ZFHX3: variants seen among roughly 807,000 people sequenced by gnomAD.
The protein encoded by ZFHX3 is zinc finger homeobox protein 3.
Under a neutral mutation model 279.1 loss-of-function variants are expected in ZFHX3, and 42 were observed. The observed-to-expected ratio is 0.15, with a 90% CI of 0.12 to 0.19. ZFHX3 has a LOEUF of 0.19. Ranked by LOEUF, ZFHX3 falls within the 10% of genes least tolerant of loss-of-function variation. The probability of loss-of-function intolerance (pLI) is 1.00; values close to 1 mark genes in which losing one functional copy is unlikely to be tolerated. For synonymous variants in ZFHX3, 2,293 were observed against 1,957.8 expected (o/e 1.17, Z -4.52); for missense variants, 4,981 against 4,754.0 (o/e 1.05, Z -1.40).
chr16:73,077,729 G>T (rs1182324646), intron 8 of ZFHX3, among the ~76,000 whole-genome samples: 2 of 152,150 alleles, frequency 1.3e-5, no homozygotes, highest in Non-Finnish European at 2.9e-5. Context: ...AATTAAATGG[G>T]GTCAAGACCA....
rs999964410 is a variant in ZFHX3, at chr16:73,462,127, T to C, written c.-1546-5869A>G. Among the ~76,000 whole-genome samples, 8 of 152,312 alleles carry C rather than the reference T, an allele frequency of 5.3e-5. No homozygotes were observed. In the South Asian group the frequency reaches 6.2e-4, roughly 12 times the overall value. ...CGTATTTTTTTTTAGCTATGGTACA[T>C]GATGTATTTTTAATTTGGTTTCCAT... is the stretch of plus-strand genomic sequence containing the variant. On this transcript the variant is annotated intron_variant, in intron 2 of 17. Coordinates refer to the ZFHX3 transcript ENST00000641206.
chr16:72,946,574 GC>G (rs1226103148), intron 3 of ZFHX3, among the ~76,000 whole-genome samples: 1 of 152,134 alleles, frequency 6.6e-6, no homozygotes, highest in African/African-American at 2.4e-5. Context: ...TCTGTGCCCC[GC>G]CCCCTCCGGG....
intron 1 of ZFHX3, among the ~76,000 whole-genome samples, chr16:73,792,856 A>ACCCCCCCCC (rs55813623): frequency 2.9e-4 from 39 of 135,090 alleles, no homozygotes; most frequent in African/African-American, 3.8e-4. Context: ...CATACAGTGC[A>ACCCCCCCCC]CCCCCCCCCT....
intron 2 of ZFHX3, among the ~76,000 whole-genome samples, chr16:73,498,344 G>C (rs1351240135): frequency 6.6e-6 from 1 of 152,218 alleles, no homozygotes; most frequent in East Asian, 1.9e-4. Context: ...TGACGGACAT[G>C]TTTGACATCT....
At chr16:73,163,106 C>A (rs62052413) in intron 5 of ZFHX3, among the ~76,000 whole-genome samples, 1 of 152,118 alleles carries the variant, frequency 6.6e-6, no homozygotes, top group Admixed American at 6.5e-5. Flanking sequence ...TTCATTCAGT[C>A]GGGACAACAC....
At chr16:73,471,302 C>T (rs1428484233) in intron 2 of ZFHX3, among the ~76,000 whole-genome samples, 1 of 152,214 alleles carries the variant, frequency 6.6e-6, no homozygotes, top group Non-Finnish European at 1.5e-5. Flanking sequence ...ATTGACCATG[C>T]ACCACTGCAA....
rs1393021330 is a variant in ZFHX3 at position 72,963,138 on chromosome 16, G to A, written c.-49-2944C>T. On this transcript the variant is annotated intron_variant, in intron 1 of 9. Transcript: ENST00000268489. ...TTACAGAGGGCAGCCTGGGAACCCA[G>A]TGGGTCCCCGCACTTTTCCAAGCAG... Among the ~76,000 whole-genome samples, 3 of 152,190 alleles carry A rather than the reference G, an allele frequency of 2.0e-5. No homozygotes were observed. The East Asian group carries it at 5.8e-4, about 29-fold the overall frequency.
rs1597245380 is a variant in ZFHX3, at chr16:72,798,635, A to G, written c.4047T>C (p.Ala1349=). 6.2e-7 allele frequency: 1 copy of G among 1,613,992 alleles called. No individual in the cohort carries two copies. Among genetic ancestry groups the G allele is most frequent in the Non-Finnish European group, 8.5e-7 (1 of 1,179,964 alleles). The change falls in exon 9 of 10, where the codon GCT becomes GCC. Residue 1349 remains alanine, a synonymous_variant. Coordinates refer to ENST00000268489, the MANE Select transcript of ZFHX3 (RefSeq NM_006885.4). ...AGTCTTCTCTCACAGAGCCTGGGTC[A>G]GCAGGGGATGGTTTCAAATCTCCGC... ...EQSGDLKPSP[A]DPGSVREDSG...
chr16:72,880,793 G>A (rs550329624), intron 4 of ZFHX3, among the ~76,000 whole-genome samples: 1 of 152,258 alleles, frequency 6.6e-6, no homozygotes, highest in South Asian at 2.1e-4. Flanking sequence ...AAGGTCTCAA[G>A]ATAGTCTTGA....
chr16:73,726,977 G>C (rs548346191), intron 1 of ZFHX3, among the ~76,000 whole-genome samples: 21 of 152,288 alleles, frequency 1.4e-4, no homozygotes, highest in Middle Eastern at 3.4e-3. Context: ...ACATTCCCTG[G>C]GGAGAGGGCA....
intron 3 of ZFHX3, chr16:73,387,351 CAA>C (rs11444977): frequency 6.6e-6 from 1 of 151,204 alleles, no homozygotes; most frequent in Non-Finnish European, 1.5e-5. Context: ...TAACATTTTG[CAA>C]AAAAAATAAC....
chr16:73,508,214 G>A (rs2019361554), intron 2 of ZFHX3, among the ~76,000 whole-genome samples: 1 of 152,182 alleles, frequency 6.6e-6, no homozygotes, highest in Non-Finnish European at 1.5e-5. Context: ...GGGGTGAGAT[G>A]ATAGGCTATG....
chr16:73,626,341 G>C (rs2052416454), intron 2 of ZFHX3, among the ~76,000 whole-genome samples: 1 of 151,894 alleles, frequency 6.6e-6, no homozygotes, highest in Non-Finnish European at 1.5e-5. Flanking sequence ...CCACGCCTTT[G>C]GTTTCCTTGA....
At chr16:73,563,216 GTGTGTGTTTTGTTTT>G (rs1482920145) in intron 2 of ZFHX3, among the ~76,000 whole-genome samples, 3 of 80,332 alleles carry the variant, frequency 3.7e-5, no homozygotes, top group African/African-American at 1.3e-4. Context: ...GTGTGTGTGT[GTGTGTGTTTTGTTTT>G]TGTTTTGTTT....
At chr16:73,478,393 T>G (rs113605156) in intron 2 of ZFHX3, among the ~76,000 whole-genome samples, 2 of 152,208 alleles carry the variant, frequency 1.3e-5, no homozygotes, top group Admixed American at 6.5e-5. Context: ...TCCAGGCTTC[T>G]TCCCTGCTAG....
intron 3 of ZFHX3, among the ~76,000 whole-genome samples, chr16:73,342,372 T>C (rs1451583244): frequency 6.6e-6 from 1 of 152,200 alleles, no homozygotes; most frequent in Non-Finnish European, 1.5e-5. Flanking sequence ...CATATTCACA[T>C]GGCTACATAC....
At chr16:73,685,577 G>A (rs555284644) in intron 1 of ZFHX3, among the ~76,000 whole-genome samples, 1 of 152,232 alleles carries the variant, frequency 6.6e-6, no homozygotes, top group Non-Finnish European at 1.5e-5. Context: ...AGAATGGTAA[G>A]ATGATAGATT....
chr16:73,001,188 T>C (rs1458999323), intron 1 of ZFHX3, among the ~76,000 whole-genome samples: 2 of 152,228 alleles, frequency 1.3e-5, no homozygotes, highest in Non-Finnish European at 2.9e-5. Flanking sequence ...GGAAGCCAAG[T>C]GCCCCATTGT....
chr16:72,907,545 T>TTG (rs547618913), intron 3 of ZFHX3, among the ~76,000 whole-genome samples: 5,834 of 120,218 alleles, frequency 0.049, 154 homozygotes, highest in East Asian at 0.063. Flanking sequence ...TTTCCTCTAT[T>TTG]TGTGTGTGTG....
Sources: allele counts gnomAD v4.1 joint callset (sites outside exome capture counted in the v4.1 genomes callset), GRCh38; gene constraint gnomAD v4.1.1; transcripts MANE v1.5; gene names NCBI Gene and HGNC (gene_info 2026-07-23, HGNC 2026-07-21).